SCAF8: variants seen among roughly 807,000 people sequenced by gnomAD.
SCAF8 encodes the protein SR-related and CTD-associated factor 8.
SCAF8 carries 23 observed loss-of-function variants against 140.5 expected under a neutral mutation model. The observed-to-expected ratio is 0.16, with a 90% confidence interval of 0.12 to 0.23. The LOEUF (loss-of-function observed/expected upper bound fraction) is 0.23, where lower values mean the gene tolerates loss of function less well. Among genes scored for constraint, SCAF8 ranks in the 10% least tolerant of loss-of-function variants. The pLI is 1.00. For synonymous variants in SCAF8, 575 were observed against 528.9 expected, an observed-to-expected ratio of 1.09 and a Z score of -1.20; for missense variants, 1,397 against 1,555.7, an observed-to-expected ratio of 0.90 and a Z score of 1.72.
chr6:154,831,051 T>C lies in SCAF8; in HGVS notation c.2270T>C (p.Phe757Ser), dbSNP rs761493829. ...ATSALPAGNV[F>S]NAPTKQAEPE... ...TCCGCTCTGCCAGCTGGAAATGTTT[T>C]TAATGCTCCAACTAAACAGGCAGAG... Residue 757 changes from phenylalanine (F) to serine (S), a missense_variant, in exon 19 of 20, where the codon TTT (phenylalanine) becomes TCT (serine). By Grantham distance (155) the Phe-to-Ser change is radical. Transcript: ENST00000367178. The C allele has an allele frequency of 1.2e-6, 2 of 1,614,078 alleles. No homozygotes were observed. Among genetic ancestry groups the C allele is most frequent in the Non-Finnish European group, 1.7e-6 (2 of 1,179,958 alleles).
At chr6:154,802,265 A>G in intron 7 of SCAF8, 118 bp downstream of exon 7, 3 of 533,042 alleles carry the variant, frequency 5.6e-6, no homozygotes, top group Non-Finnish European at 8.8e-6. Context: ...TGTACACTGT[A>G]TAAGACAGTC....
intron 1 of SCAF8, among the ~76,000 whole-genome samples, chr6:154,739,587 C>T (rs771571818): frequency 2.0e-5 from 3 of 152,138 alleles, no homozygotes; most frequent in Non-Finnish European, 4.4e-5. Context: ...TACCTTAGTT[C>T]ATAAATTGAG....
chr6:154,833,037 G>C lies in SCAF8; in HGVS notation c.3458G>C (p.Arg1153Thr). ...GTTCACAGAGATTTTGATGACCGCAGAAGACCCTGGGAGAGGCAAAGGGAT... is the reference window on the plus strand; with the variant it reads ...GTTCACAGAGATTTTGATGACCGCACAAGACCCTGGGAGAGGCAAAGGGAT... ...QEVHRDFDDR[R>T]RPWERQRDRD... The change falls in exon 20 of 20, where the codon AGA (arginine) becomes ACA (threonine). Residue 1153 changes from arginine to threonine, a missense_variant. Arg to Thr is a moderately conservative substitution (Grantham distance 71). Around this residue, in one of 5 missense-constraint regions of SCAF8, gnomAD observed 930 missense variants for 874.6 expected, o/e 1.06. Transcript: ENST00000367178. 1 of 1,614,180 alleles carries C rather than the reference G, an allele frequency of 6.2e-7. No individual in the cohort carries two copies. The highest frequency in any genetic ancestry group is 8.5e-7 in the Non-Finnish European group (1 of 1,180,026).
At position 154,832,751 on chromosome 6, in the gene SCAF8, G is replaced by A. The variant is rs1341213000; in HGVS notation, c.3172G>A (p.Asp1058Asn). 1.6e-5 allele frequency: 26 copies of A among 1,613,860 alleles called. No homozygotes were observed. Among genetic ancestry groups the A allele is most frequent in the Non-Finnish European group, 2.1e-5 (25 of 1,179,986 alleles). The change falls in exon 20 of 20, where the codon GAT (aspartate) becomes AAT (asparagine). Residue 1058 changes from aspartate (D) to asparagine (N), a missense_variant. Asp to Asn is a conservative substitution (Grantham distance 23). Transcript: ENST00000367178. ...TGGACGGCCTCCACTAGATGGTAGGGATCATTTTGGAAGACCTCCTGTAGA... is the reference window on the plus strand; with the variant it reads ...TGGACGGCCTCCACTAGATGGTAGGAATCATTTTGGAAGACCTCCTGTAGA... ...GPGRPPLDGR[D>N]HFGRPPVDIR... is the part of the protein sequence containing the mutation.
At chr6:154,810,460 T>C (rs1043674115) in intron 12 of SCAF8, among the ~76,000 whole-genome samples, 25 of 152,120 alleles carry the variant, frequency 1.6e-4, no homozygotes, top group African/African-American at 5.1e-4. Flanking sequence ...AAAATACATA[T>C]TGACTGAAAA....
chr6:154,820,422 T>C (rs951937197), intron 15 of SCAF8, 89 bp downstream of exon 15: 5 of 1,069,574 alleles, frequency 4.7e-6, no homozygotes, highest in Middle Eastern at 2.9e-4. Context: ...GCGTTAACTG[T>C]GTATCCTGGA....
intron 17 of SCAF8, 64 bp downstream of exon 17, chr6:154,824,442 C>G: frequency 7.0e-7 from 1 of 1,435,814 alleles, no homozygotes; most frequent in Non-Finnish European, 9.7e-7. Context: ...GTGTTTCTTC[C>G]AGATTTAAGT....
At chr6:154,740,396 G>A (rs575353445) in intron 1 of SCAF8, among the ~76,000 whole-genome samples, 88 of 152,124 alleles carry the variant, frequency 5.8e-4, no homozygotes, top group African/African-American at 1.8e-3. Context: ...AGTGACCCTG[G>A]TCCAGAATCA....
At chr6:154,769,069 A>G (rs1400299068) in intron 1 of SCAF8, among the ~76,000 whole-genome samples, 1 of 151,118 alleles carries the variant, frequency 6.6e-6, no homozygotes, top group Non-Finnish European at 1.5e-5. Flanking sequence ...TCTCAAAAAA[A>G]AAAAAAAAAA....
intron 19 of SCAF8, among the ~76,000 whole-genome samples, chr6:154,831,702 T>TAAAAAA (rs1778739379): frequency 3.2e-5 from 2 of 62,740 alleles, no homozygotes; most frequent in South Asian, 1.7e-3. Flanking sequence ...ACTCCTGTTC[T>TAAAAAA]TAAAAAAAAA....
chr6:154,768,365 C>T (rs945156344), intron 1 of SCAF8, among the ~76,000 whole-genome samples: 1 of 152,150 alleles, frequency 6.6e-6, no homozygotes, highest in Non-Finnish European at 1.5e-5. Context: ...GAAAAACCTT[C>T]GAGAACTGCA....
chr6:154,832,761 G>A lies in SCAF8; in HGVS notation c.3182G>A (p.Gly1061Glu). The change falls in exon 20 of 20, where the codon GGA (glycine) becomes GAA (glutamate). Residue 1061 changes from glycine (G) to glutamate (E), a missense_variant. This residue lies in a region of SCAF8 where 930 missense variants were observed against 874.6 expected (regional missense o/e 1.06). Coordinates refer to ENST00000367178, the MANE Select transcript of SCAF8 (RefSeq NM_014892.5). Reference sequence around the variant, plus strand: ...CCACTAGATGGTAGGGATCATTTTGGAAGACCTCCTGTAGATATAAGAGAG... The same window carrying A: ...CCACTAGATGGTAGGGATCATTTTGAAAGACCTCCTGTAGATATAAGAGAG... ...RPPLDGRDHFGRPPVDIRENL... is the reference protein window; with the variant it reads ...RPPLDGRDHFERPPVDIRENL... 6.2e-7 allele frequency: 1 copy of A among 1,613,944 alleles called. No homozygotes were observed. Among genetic ancestry groups the A allele is most frequent in the South Asian group, 1.1e-5 (1 of 91,068 alleles).
At position 154,805,487 on chromosome 6, in the gene SCAF8, GT is replaced by G; in HGVS notation, c.981+4del. ...CTTGGAGCAGCAACAGCCTCAAAAG[GT>G]TTATAACCCCATCTTGTGGTCTTTA... On this transcript the variant is annotated splice_donor_variant, in intron 9 of 19. Coordinates refer to ENST00000367178, the MANE Select transcript of SCAF8 (RefSeq NM_014892.5). LOFTEE classifies it high-confidence loss of function. 2 of 1,554,416 alleles carry G rather than the reference GT, an allele frequency of 1.3e-6. No individual in the cohort carries two copies. The highest frequency in any genetic ancestry group is 1.8e-6 in the Non-Finnish European group (2 of 1,131,090).
At chr6:154,791,946 A>G (rs899175208) in intron 4 of SCAF8, among the ~76,000 whole-genome samples, 2 of 152,062 alleles carry the variant, frequency 1.3e-5, no homozygotes, top group Admixed American at 1.3e-4. Flanking sequence ...AGAAGAGTAA[A>G]TGAGATGGTT....
intron 1 of SCAF8, among the ~76,000 whole-genome samples, chr6:154,765,373 T>G (rs1462219741): frequency 1.3e-5 from 2 of 152,214 alleles, no homozygotes; most frequent in Non-Finnish European, 2.9e-5. Flanking sequence ...GCTTCTGAAG[T>G]CATGTGCTGG....
intron 1 of SCAF8, among the ~76,000 whole-genome samples, chr6:154,735,011 C>T (rs868238269): frequency 6.6e-6 from 1 of 151,750 alleles, no homozygotes; most frequent in Non-Finnish European, 1.5e-5. Context: ...GTAATCCCAG[C>T]TACTTAGGAG....
At chr6:154,830,022 T>C (rs1359489505) in intron 18 of SCAF8, among the ~76,000 whole-genome samples, 1 of 152,242 alleles carries the variant, frequency 6.6e-6, no homozygotes, top group Non-Finnish European at 1.5e-5. Context: ...GAATTCACTA[T>C]TCACAGAGGC....
chr6:154,775,051 A>G (rs961098037), intron 2 of SCAF8, among the ~76,000 whole-genome samples: 11 of 152,172 alleles, frequency 7.2e-5, no homozygotes, highest in East Asian at 1.9e-4. Context: ...AAAAGCACCA[A>G]CTATTTAAAT....
At chr6:154,827,143 T>A in intron 17 of SCAF8, 29 bp from the exon 18 acceptor site, 1 of 1,575,504 alleles carries the variant, frequency 6.3e-7, no homozygotes, top group Non-Finnish European at 8.6e-7. Context: ...TTTCTTGTGC[T>A]ATTTTTTGGG....
Sources: gnomAD v4.1 joint callset for allele counts (sites outside exome capture counted in the v4.1 genomes callset) on GRCh38, gnomAD v4.1.1 for gene constraint, gnomAD v4.1.1 regional missense constraint, MANE v1.5 for transcripts, NCBI Gene and HGNC (gene_info 2026-07-23, HGNC 2026-07-21) for gene names.